PER2: variants seen among roughly 807,000 people sequenced by gnomAD.
PER2 encodes period circadian regulator 2.
In PER2, 66 loss-of-function variants were observed where a neutral mutation model predicts 121.0. The ratio of observed to expected loss-of-function variants is 0.55; its 90% CI spans 0.45 to 0.67. The LOEUF (loss-of-function observed/expected upper bound fraction) is 0.67. PER2 is among the 30% of genes least tolerant of loss of function. The pLI is 0.00. For synonymous variants in PER2, 684 were observed against 659.9 expected, an observed-to-expected ratio of 1.04 and a Z score of -0.56; for missense variants, 1,521 against 1,635.0, an observed-to-expected ratio of 0.93 and a Z score of 1.20.
intron 8 of PER2, among the ~76,000 whole-genome samples, chr2:238,267,792 G>A (rs551038089): frequency 3.3e-5 from 5 of 152,290 alleles, no homozygotes; most frequent in African/African-American, 7.2e-5. Context: ...AGGGAAAGGG[G>A]AGAAGGGGTC....
At chr2:238,275,135 C>T (rs1021949415) in intron 4 of PER2, among the ~76,000 whole-genome samples, 2 of 152,204 alleles carry the variant, frequency 1.3e-5, no homozygotes, top group African/African-American at 4.8e-5. Flanking sequence ...TTAAGCCTCT[C>T]AGATTTTTCT....
chr2:238,283,104 G>A (rs1184529377), intron 1 of PER2, among the ~76,000 whole-genome samples: 2 of 152,246 alleles, frequency 1.3e-5, no homozygotes, highest in Admixed American at 6.5e-5. Flanking sequence ...GGTCTGATGA[G>A]GCAGCTGGAT....
intron 16 of PER2, among the ~76,000 whole-genome samples, chr2:238,257,718 C>T (rs1268438258): frequency 2.6e-5 from 4 of 152,248 alleles, no homozygotes; most frequent in Non-Finnish European, 5.9e-5. Context: ...AAGTGATCCA[C>T]CCACCTCGGC....
At chr2:238,262,398 A>G in intron 10 of PER2, 54 bp from the exon 11 acceptor site, 1 of 1,571,998 alleles carries the variant, frequency 6.4e-7, no homozygotes, top group Non-Finnish European at 8.8e-7. Context: ...CAGGATTTAT[A>G]GTAGAGAGAG....
chr2:238,278,023 T>C (rs568712058), intron 1 of PER2, 68 bp from the exon 2 acceptor site: 3 of 1,534,828 alleles, frequency 2.0e-6, no homozygotes, highest in African/African-American at 1.4e-5. Context: ...AGCCATCAGG[T>C]AGAGCACCCA....
At position 238,252,181 on chromosome 2, in the gene PER2, C is replaced by T. The variant is rs1211555036; in HGVS notation, c.3112-420G>A. ...CCTGGGGAGCATCCCTGACCCTCCT[C>T]TCCTTGGAAACCCAGACTGCAGGCC... is the stretch of plus-strand genomic sequence containing the variant. On this transcript the variant is annotated intron_variant, in intron 19 of 22. Coordinates refer to ENST00000254657, the MANE Select transcript of PER2 (RefSeq NM_022817.3). This position sits in a 1 kb window ranked among gnomAD's most constrained non-coding sequence, Gnocchi z 4.2. 1.3e-5 allele frequency among the ~76,000 whole-genome samples: 2 copies of T among 152,158 alleles called. No homozygotes were observed. Among genetic ancestry groups the T allele is most frequent in the Non-Finnish European group, 2.9e-5 (2 of 68,032 alleles).
intron 4 of PER2, 96 bp from the exon 5 acceptor site, chr2:238,273,287 A>G: frequency 1.5e-6 from 2 of 1,292,880 alleles, no homozygotes; most frequent in East Asian, 2.5e-5. Flanking sequence ...ACTTTTCTCA[A>G]ATGAAAAGGT....
In PER2 at chr2:238,245,679, T is replaced by C. The variant is rs139794176; in HGVS notation, c.*696A>G. ...ACAGAGGGTCTGTCTGCGTGTGCAT[T>C]CATCCGATGGAGTTGGCCACACAAA... On this transcript the variant is annotated 3_prime_UTR_variant, in exon 23 of 23. Transcript: ENST00000254657. 1,401 of 398,620 alleles carry C rather than the reference T, an allele frequency of 3.5e-3. 5 individuals are homozygous for C. Among genetic ancestry groups the C allele is most frequent in the Non-Finnish European group, 4.9e-3 (1,102 of 226,066 alleles). 24.7% of individuals were successfully genotyped at this position (398,620 alleles called of 1,614,324 possible). A position where few individuals can be genotyped will look rare whatever the true frequency, so the allele number is the denominator to read the frequency against.
chr2:238,274,421 G>T (rs1696389548), intron 4 of PER2, among the ~76,000 whole-genome samples: 1 of 152,240 alleles, frequency 6.6e-6, no homozygotes, highest in Non-Finnish European at 1.5e-5. Context: ...ACCCACAGCT[G>T]GGTCTCATAT....
intron 22 of PER2, 108 bp from the exon 23 acceptor site, chr2:238,246,632 T>G: frequency 1.4e-6 from 1 of 711,852 alleles, no homozygotes. Context: ...ATCCCAGCAC[T>G]TTGGGAGGCC....
intron 3 of PER2, among the ~76,000 whole-genome samples, chr2:238,276,866 G>A (rs1190761407): frequency 9.2e-5 from 14 of 152,180 alleles, no homozygotes; most frequent in Admixed American, 9.2e-4. Flanking sequence ...AGATGAAAAT[G>A]CCCAAGACTC....
In PER2 at chr2:238,245,537, T is replaced by C; in HGVS notation, c.*838A>G. 5.0e-6 allele frequency: 2 copies of C among 398,588 alleles called. No individual in the cohort carries two copies. The highest frequency in any genetic ancestry group is 2.5e-4 in the South Asian group (2 of 7,858). The allele number at this position is 398,588 out of a possible 1,614,324, so 24.7% of individuals were successfully genotyped here. A position where few individuals can be genotyped will look rare whatever the true frequency, so the allele number is the denominator to read the frequency against. ...CAAACAGGACTGGGTCTCACATGTG[T>C]TGGTCACAGCCTGGTTTGCAAAGGG... On this transcript the variant is annotated 3_prime_UTR_variant, in exon 23 of 23. Coordinates refer to ENST00000254657, the MANE Select transcript of PER2 (RefSeq NM_022817.3).
chr2:238,286,371 T>C (rs1454110735), intron 1 of PER2, among the ~76,000 whole-genome samples: 1 of 152,110 alleles, frequency 6.6e-6, no homozygotes, highest in Non-Finnish European at 1.5e-5. Flanking sequence ...CCAAGTGGCC[T>C]TGACTCCTGT....
rs781531937 is a variant in PER2 at position 238,262,276 on chromosome 2, T to C, written c.1222A>G (p.Ile408Val). ...CTGGACCAGCTGGTGTCCAACGTGA[T>C]GTACTCTCCGTTCCGGGCGCGAAAC... ...IRFRARNGEY[I>V]TLDTSWSSFI... Residue 408 changes from isoleucine to valine, a missense_variant, in exon 11 of 23, where the codon ATC (isoleucine) becomes GTC (valine). Transcript: ENST00000254657. The C allele has an allele frequency of 3.7e-6, 6 of 1,614,000 alleles. No homozygotes were observed. The East Asian group carries it at 8.9e-5, about 24-fold the overall frequency.
At chr2:238,261,594 C>T (rs1181397915) in intron 12 of PER2, 135 bp downstream of exon 12, 1 of 705,054 alleles carries the variant, frequency 1.4e-6, no homozygotes, top group Admixed American at 2.0e-5. Context: ...CAAACTGTCC[C>T]CTGGGGGATG....
upstream of PER2, among the ~76,000 whole-genome samples, chr2:238,293,246 A>G (rs1249460812): frequency 6.6e-6 from 1 of 152,228 alleles, no homozygotes; most frequent in Non-Finnish European, 1.5e-5. Flanking sequence ...AAGACAAAAA[A>G]TATAAATGAA....
chr2:238,275,989 G>C, intron 3 of PER2, 92 bp from the exon 4 acceptor site: 1 of 1,255,048 alleles, frequency 8.0e-7, no homozygotes, highest in Non-Finnish European at 1.2e-6. Flanking sequence ...CTCAGCCTCG[G>C]CTCTAGAGAT....
At chr2:238,273,377 A>G (rs1696353619) in intron 4 of PER2, among the ~76,000 whole-genome samples, 186 bp from the exon 5 acceptor site, 1 of 152,218 alleles carries the variant, frequency 6.6e-6, no homozygotes, top group Non-Finnish European at 1.5e-5. Context: ...AGAAATCGGG[A>G]TATTTTTCCC....
upstream of PER2, chr2:238,289,360 C>T (rs1235380430): frequency 6.6e-6 from 1 of 152,238 alleles, no homozygotes; most frequent in Non-Finnish European, 1.5e-5. Flanking sequence ...CAGCACCGCC[C>T]TGCAGCAGCT....
Sources: allele counts gnomAD v4.1 joint callset (sites outside exome capture counted in the v4.1 genomes callset), GRCh38; gene constraint gnomAD v4.1.1; non-coding constraint Gnocchi (gnomAD v3.1); transcripts MANE v1.5; gene names NCBI Gene and HGNC (gene_info 2026-07-23, HGNC 2026-07-21).